The following CNTNAP2 variants were observed in gnomAD, a reference collection of about 807,000 sequenced individuals.
CNTNAP2 encodes contactin-associated protein-like 2.
In CNTNAP2, 98 loss-of-function variants were observed where a neutral mutation model predicts 155.2. The observed-to-expected ratio is 0.63, with a 90% CI of 0.54 to 0.75. CNTNAP2 has a LOEUF of 0.75. Among genes scored for constraint, CNTNAP2 ranks in the 30% least tolerant of loss-of-function variants. The pLI, the probability that CNTNAP2 is intolerant of heterozygous loss-of-function variation, is 0.00. For missense variants in CNTNAP2, 1,727 were observed against 1,688.1 expected, an observed-to-expected ratio of 1.02 and a Z score of -0.40; for synonymous variants, 651 against 631.2, an observed-to-expected ratio of 1.03 and a Z score of -0.47.
At chr7:146,800,867 G>A (rs1453345060) in intron 2 of CNTNAP2, among the ~76,000 whole-genome samples, 2 of 151,994 alleles carry the variant, frequency 1.3e-5, no homozygotes, top group Admixed American at 6.6e-5. Context: ...AGCAAAGAAG[G>A]TGTCAGGAGT....
intron 10 of CNTNAP2, among the ~76,000 whole-genome samples, chr7:147,409,353 G>A (rs1329416917): frequency 6.6e-6 from 1 of 152,166 alleles, no homozygotes; most frequent in Non-Finnish European, 1.5e-5. Flanking sequence ...GCCATATGCA[G>A]AAAATTAAAA....
At chr7:147,314,907 C>T (rs1795198531) in intron 9 of CNTNAP2, among the ~76,000 whole-genome samples, 1 of 150,922 alleles carries the variant, frequency 6.6e-6, no homozygotes, top group African/African-American at 2.4e-5. Flanking sequence ...GAAATGCAAG[C>T]TATCAGGCTG....
At chr7:146,265,267 A>G (rs910349866) in intron 1 of CNTNAP2, among the ~76,000 whole-genome samples, 1 of 152,136 alleles carries the variant, frequency 6.6e-6, no homozygotes, top group Admixed American at 6.6e-5. Context: ...GGTTATTTAC[A>G]TTATACATTA....
intron 1 of CNTNAP2, among the ~76,000 whole-genome samples, chr7:146,475,916 C>T (rs1374777930): frequency 6.6e-6 from 1 of 151,956 alleles, no homozygotes; most frequent in African/African-American, 2.4e-5. Context: ...TAGTTTTCAA[C>T]TAAATTTATG....
intron 3 of CNTNAP2, among the ~76,000 whole-genome samples, chr7:146,933,597 T>C (rs1796834639): frequency 1.4e-5 from 2 of 147,708 alleles, no homozygotes; most frequent in African/African-American, 5.0e-5. Flanking sequence ...TGGGATCTAA[T>C]TAAACTAAAG....
At chr7:147,139,654 G>A (rs1033826943) in intron 8 of CNTNAP2, among the ~76,000 whole-genome samples, 3 of 151,946 alleles carry the variant, frequency 2.0e-5, no homozygotes, top group Non-Finnish European at 4.4e-5. Flanking sequence ...AGGCTCATTA[G>A]GTTATCTGTT....
intron 1 of CNTNAP2, among the ~76,000 whole-genome samples, chr7:146,410,628 C>T (rs946775815): frequency 2.6e-5 from 4 of 152,070 alleles, no homozygotes; most frequent in African/African-American, 7.2e-5. Context: ...AGTTATTTTT[C>T]CTGATCCTGT....
rs1411082700 is a variant in CNTNAP2 at position 148,366,256 on chromosome 7, GT to G, written c.3476-17392del. Among the ~76,000 whole-genome samples, 252 of 114,626 alleles carry G rather than the reference GT, an allele frequency of 2.2e-3. 1 individual carries two copies. Among genetic ancestry groups the G allele is most frequent in the Middle Eastern group, 8.5e-3 (2 of 234 alleles). 75.2% of individuals were successfully genotyped at this position (114,626 alleles called of 152,430 possible). A position where few individuals can be genotyped will look rare whatever the true frequency, so the allele number is the denominator to read the frequency against. ...TGTATATGTGTATGCATGTATATAT[GT>G]GTGTATATGTGTACATGTATATATG... On this transcript the variant is annotated intron_variant, in intron 21 of 23. Transcript: ENST00000361727.
chr7:147,747,245 T>G (rs1343605728), intron 13 of CNTNAP2, among the ~76,000 whole-genome samples: 1 of 152,202 alleles, frequency 6.6e-6, no homozygotes, highest in African/African-American at 2.4e-5. Flanking sequence ...TCCTCCTTTG[T>G]GTCTTGGTTT....
chr7:147,905,285 G>C (rs1448389246), intron 14 of CNTNAP2, among the ~76,000 whole-genome samples: 3 of 152,190 alleles, frequency 2.0e-5, no homozygotes, highest in Non-Finnish European at 2.9e-5. Flanking sequence ...ACTAGGAGAA[G>C]TGGGAACAGA....
At chr7:148,150,630 G>C (rs940721339) in intron 17 of CNTNAP2, among the ~76,000 whole-genome samples, 3 of 152,084 alleles carry the variant, frequency 2.0e-5, no homozygotes, top group African/African-American at 7.2e-5. Flanking sequence ...AAACTATTCA[G>C]TTAGAATTTA....
At chr7:146,331,292 A>G in intron 1 of CNTNAP2, among the ~76,000 whole-genome samples, 1 of 145,304 alleles carries the variant, frequency 6.9e-6, no homozygotes, top group Admixed American at 6.8e-5. Flanking sequence ...CGACAGAGCG[A>G]GACTCCGTCT....
At chr7:147,111,226 T>C (rs750897094) in intron 5 of CNTNAP2, among the ~76,000 whole-genome samples, 1 of 152,064 alleles carries the variant, frequency 6.6e-6, no homozygotes, top group Non-Finnish European at 1.5e-5. Context: ...GAGGTTGTTT[T>C]TGTCTTGTAA....
intron 12 of CNTNAP2, among the ~76,000 whole-genome samples, chr7:147,636,898 A>G (rs1417179593): frequency 6.6e-6 from 1 of 152,180 alleles, no homozygotes; most frequent in Non-Finnish European, 1.5e-5. Context: ...ATAGGAAAGG[A>G]AAGGCTGGCA....
chr7:146,422,500 T>A (rs1796027275), intron 1 of CNTNAP2, among the ~76,000 whole-genome samples: 1 of 152,014 alleles, frequency 6.6e-6, no homozygotes, highest in Non-Finnish European at 1.5e-5. Context: ...CCACTTTTTT[T>A]TTCCCACTTG....
intron 21 of CNTNAP2, among the ~76,000 whole-genome samples, chr7:148,296,275 G>T (rs558715525): frequency 2.0e-5 from 3 of 152,048 alleles, no homozygotes; most frequent in African/African-American, 7.2e-5. Flanking sequence ...GCTAGGCATG[G>T]TAGCTCACAT....
At chr7:146,209,567 C>T (rs938131206) in intron 1 of CNTNAP2, among the ~76,000 whole-genome samples, 2 of 152,036 alleles carry the variant, frequency 1.3e-5, no homozygotes, top group Non-Finnish European at 2.9e-5. Context: ...AATATTTATA[C>T]CTTAAAGAAG....
At chr7:146,270,952 GAAATT>G (rs1800072887) in intron 1 of CNTNAP2, among the ~76,000 whole-genome samples, 1 of 152,038 alleles carries the variant, frequency 6.6e-6, no homozygotes, top group Non-Finnish European at 1.5e-5. Context: ...TAGAGTTATA[GAAATT>G]AAATTAAGTG....
intron 8 of CNTNAP2, among the ~76,000 whole-genome samples, chr7:147,240,547 T>G (rs1385830039): frequency 6.6e-6 from 1 of 152,214 alleles, no homozygotes; most frequent in African/African-American, 2.4e-5. Flanking sequence ...TTACTTACTG[T>G]GATTTCACAT....
Sources: gnomAD v4.1 joint callset for allele counts (sites outside exome capture counted in the v4.1 genomes callset) on GRCh38, gnomAD v4.1.1 for gene constraint, MANE v1.5 for transcripts, NCBI Gene and HGNC (gene_info 2026-07-23, HGNC 2026-07-21) for gene names.